ATP13A2: variants seen among roughly 807,000 people sequenced by gnomAD.
The protein encoded by ATP13A2 is polyamine-transporting ATPase 13A2.
A neutral mutation model predicts 138.3 loss-of-function variants in ATP13A2; 83 were observed. That is an observed-to-expected ratio of 0.60 (90% CI 0.50 to 0.72). The LOEUF (loss-of-function observed/expected upper bound fraction) is 0.72, where lower values mean the gene tolerates loss of function less well. Ranked by LOEUF, ATP13A2 falls within the 30% of genes least tolerant of loss-of-function variation. ATP13A2 has a pLI of 0.00. For missense variants in ATP13A2, 1,402 were observed against 1,606.4 expected, an observed-to-expected ratio of 0.87 and a Z score of 2.17; for synonymous variants, 663 against 699.0, an observed-to-expected ratio of 0.95 and a Z score of 0.81.
rs148026506 is a variant in ATP13A2, at chr1:16,996,489, G to A, written c.1203C>T (p.Cys401=). Residue 401 remains cysteine, a synonymous_variant, in exon 13 of 29, where the codon TGC becomes TGT. Coordinates refer to ENST00000326735, the MANE Select transcript of ATP13A2 (RefSeq NM_022089.4). ...AGCTCACCAGGCCCCCTTTTGCCGT[G>A]CAGAACCCTGGGGAGGAGGCGGGGA... The part of the protein sequence containing the change: ...VLAVVTRTGF[C]TAKGGLVSSI... The A allele has an allele frequency of 6.8e-4, 1,095 of 1,613,772 alleles. 1 individual carries two copies. Among genetic ancestry groups the A allele is most frequent in the Non-Finnish European group, 8.7e-4 (1,030 of 1,179,936 alleles).
At chr1:17,006,661 C>T (rs935550047) in intron 1 of ATP13A2, among the ~76,000 whole-genome samples, 7 of 152,128 alleles carry the variant, frequency 4.6e-5, no homozygotes, top group African/African-American at 1.7e-4. Flanking sequence ...GTGCATCCAG[C>T]CATTAGCTTC....
In ATP13A2 at chr1:16,995,849, G is replaced by A. The variant is rs1448909351; in HGVS notation, c.1542+127C>T. The stretch of plus-strand genomic sequence containing the variant: ...GTGGGATGGGGTGGATCCTCTGGGG[G>A]TTTCCATCCCTAGACAGGACCTGGC... On this transcript the variant is annotated intron_variant, in intron 15 of 28. Transcript: ENST00000326735. This position sits in a 1 kb window ranked among gnomAD's most constrained non-coding sequence, Gnocchi z 4.1. The A allele has an allele frequency of 2.5e-6, 3 of 1,182,898 alleles. No individual in the cohort carries two copies. The highest frequency in any genetic ancestry group is 1.5e-5 in the African/African-American group (1 of 66,166). 73.3% of individuals were successfully genotyped at this position (1,182,898 alleles called of 1,614,324 possible). A position where few individuals can be genotyped will look rare whatever the true frequency, so the allele number is the denominator to read the frequency against.
At position 16,995,301 on chromosome 1, in the gene ATP13A2, C is replaced by A. The variant is rs1168223886; in HGVS notation, c.1542+675G>T. On this transcript the variant is annotated intron_variant, in intron 15 of 28. Transcript: ENST00000326735. This position sits in a 1 kb window ranked among gnomAD's most constrained non-coding sequence, Gnocchi z 4.1. Reference sequence around the variant, plus strand: ...CCACTGGCTTCCTTCCTAAAACCCACTGCCCACTCCTCAGCCCCAGCAGCT... The same window carrying A: ...CCACTGGCTTCCTTCCTAAAACCCAATGCCCACTCCTCAGCCCCAGCAGCT... Among the ~76,000 whole-genome samples, 1 of 152,166 alleles carries A rather than the reference C, an allele frequency of 6.6e-6. No homozygotes were observed. The highest frequency in any genetic ancestry group is 1.9e-4 in the East Asian group (1 of 5,192).
intron 25 of ATP13A2, 81 bp from the exon 26 acceptor site, chr1:16,987,350 C>A: frequency 7.4e-7 from 1 of 1,359,856 alleles, no homozygotes. Context: ...GGCCCCACCC[C>A]TGCCCCGAAG....
chr1:17,001,407 A>C (rs1413479796), intron 8 of ATP13A2, among the ~76,000 whole-genome samples: 2 of 152,042 alleles, frequency 1.3e-5, no homozygotes, highest in Non-Finnish European at 2.9e-5. Flanking sequence ...CAGCCTGGGC[A>C]ACAAGAGCAA....
intron 1 of ATP13A2, among the ~76,000 whole-genome samples, chr1:17,008,323 A>T (rs2077642697): frequency 6.6e-6 from 1 of 152,128 alleles, no homozygotes; most frequent in Non-Finnish European, 1.5e-5. Flanking sequence ...TTTTGTAGAG[A>T]CAGGGTTTTG....
In ATP13A2 at chr1:16,995,566, G is replaced by C; in HGVS notation, c.1542+410C>G. 1 of 332,170 alleles carries C rather than the reference G, an allele frequency of 3.0e-6. No homozygotes were observed. The highest frequency in any genetic ancestry group is 8.0e-5 in the East Asian group (1 of 12,430). The allele number at this position is 332,170 out of a possible 1,614,324, so 20.6% of individuals were successfully genotyped here. ...CAACCTCTGCGATTCTCCTGCCTCA[G>C]CCTCCCGAGTAGCTGGGATTACAAG... On this transcript the variant is annotated intron_variant, in intron 15 of 28. Coordinates refer to ENST00000326735, the MANE Select transcript of ATP13A2 (RefSeq NM_022089.4). This position sits in a 1 kb window ranked among gnomAD's most constrained non-coding sequence, Gnocchi z 4.1.
intron 25 of ATP13A2, among the ~76,000 whole-genome samples, chr1:16,987,917 C>T (rs1557669989): frequency 6.6e-6 from 1 of 152,178 alleles, no homozygotes; most frequent in Non-Finnish European, 1.5e-5. Context: ...ATGACAGCTG[C>T]TGCCATTTGT....
At chr1:16,991,939 TG>T (rs1570793110) in intron 19 of ATP13A2, 69 bp downstream of exon 19, 2 of 1,611,274 alleles carry the variant, frequency 1.2e-6, no homozygotes, top group African/African-American at 2.7e-5. Flanking sequence ...GCATCTTCCT[TG>T]GGCTCTGCCT....
rs761945752 is a variant in ATP13A2, at chr1:16,992,583, TGGCA to T, written c.1750-6_1750-3del. ...TGCAGCCGGCTCTTCCTCCAGGACC[TGGCA>T]GGCAGGCAGGGAAGTTTGGTGTCTG... On this transcript the variant is annotated splice_polypyrimidine_tract_variant and splice_region_variant and intron_variant, in intron 16 of 28. Coordinates refer to ENST00000326735, the MANE Select transcript of ATP13A2 (RefSeq NM_022089.4). 6.2e-7 allele frequency: 1 copy of T among 1,614,148 alleles called. No individual in the cohort carries two copies. Among genetic ancestry groups the T allele is most frequent in the Non-Finnish European group, 8.5e-7 (1 of 1,179,974 alleles).
At chr1:17,001,970 G>T (rs759282256) in intron 8 of ATP13A2, 64 bp downstream of exon 8, 1 of 1,530,986 alleles carries the variant, frequency 6.5e-7, no homozygotes, top group Non-Finnish European at 8.9e-7. Flanking sequence ...GAGGAGGCAA[G>T]CCCTGGGCCA....
intron 11 of ATP13A2, 107 bp from the exon 12 acceptor site, chr1:16,997,282 T>C (rs2077165236): frequency 1.3e-5 from 17 of 1,343,028 alleles, no homozygotes; most frequent in Non-Finnish European, 1.8e-5. Context: ...CAGTTAACTC[T>C]GTAACCAGGT....
rs1292428850 is a variant in ATP13A2, at chr1:17,011,147, A to T, written c.10+582T>A. On this transcript the variant is annotated intron_variant, in intron 1 of 28. Transcript: ENST00000326735. This position sits in a 1 kb window ranked among gnomAD's most constrained non-coding sequence, Gnocchi z 7.3. ...GACCCTGGAGGAGTGGGCGTAGGAC[A>T]TCTGGCCAGGGATGGGTTGCATGGA... Among the ~76,000 whole-genome samples the T allele has an allele frequency of 6.6e-6, 1 of 151,966 alleles. No homozygotes were observed. Among genetic ancestry groups the T allele is most frequent in the Non-Finnish European group, 1.5e-5 (1 of 67,970 alleles).
chr1:16,996,873 G>A (rs2100907819), intron 12 of ATP13A2, 147 bp downstream of exon 12: 1 of 1,029,442 alleles, frequency 9.7e-7, no homozygotes, highest in Non-Finnish European at 1.5e-6. Flanking sequence ...ACCCCAGATG[G>A]GGGGCAACTG....
intron 1 of ATP13A2, among the ~76,000 whole-genome samples, chr1:17,007,530 G>C (rs2101194369): frequency 6.7e-6 from 1 of 148,984 alleles, no homozygotes; most frequent in East Asian, 2.0e-4. Context: ...CCCCCAATCT[G>C]AGCCCTTCTA....
rs116714622 is a variant in ATP13A2, at chr1:16,998,509, G to A, written c.1040-1334C>T. ...GTGCGAGCCACTGCGCCTGGCCTAC[G>A]ATTTGTGATACAAATACAATGCCAG... On this transcript the variant is annotated intron_variant, in intron 11 of 28. Transcript: ENST00000326735. 9.9e-3 allele frequency among the ~76,000 whole-genome samples: 1,501 copies of A among 152,028 alleles called. 22 individuals carry two copies. The highest frequency in any genetic ancestry group is 0.033 in the African/African-American group (1,351 of 41,428).
At chr1:17,001,955 G>T (rs1308012914) in intron 8 of ATP13A2, 79 bp downstream of exon 8, 3 of 1,454,934 alleles carry the variant, frequency 2.1e-6, no homozygotes, top group East Asian at 2.3e-5. Context: ...CCGTAAAGTG[G>T]CCCAGAGGAG....
rs540648257 is a variant in ATP13A2, at chr1:17,010,085, C to G, written c.10+1644G>C. 6.6e-5 allele frequency among the ~76,000 whole-genome samples: 10 copies of G among 150,948 alleles called. No individual in the cohort carries two copies. The East Asian group carries it at 2.0e-3, about 30-fold the overall frequency. On this transcript the variant is annotated intron_variant, in intron 1 of 28. Transcript: ENST00000326735. ...CTCTTTTTTTTGAGATGGAGTCTTC[C>G]CCCCCCGTTCCCCCCTTCCCCCCTG...
chr1:16,991,904 G>T, intron 19 of ATP13A2, 46 bp from the exon 20 acceptor site: 1 of 1,613,084 alleles, frequency 6.2e-7, no homozygotes, highest in Non-Finnish European at 8.5e-7. Context: ...AGTGGCCAGG[G>T]CCCCTCTCCC....
Sources: gnomAD v4.1 joint callset for allele counts (sites outside exome capture counted in the v4.1 genomes callset) on GRCh38, gnomAD v4.1.1 for gene constraint, Gnocchi (gnomAD v3.1) non-coding constraint, MANE v1.5 for transcripts, NCBI Gene and HGNC (gene_info 2026-07-23, HGNC 2026-07-21) for gene names.